CHSY3: variants seen among roughly 807,000 people sequenced by gnomAD.
CHSY3 encodes N-acetylgalactosaminyl-proteoglycan 3-beta-glucuronosyltransferase 3.
In CHSY3, 35 loss-of-function variants were observed where a neutral mutation model predicts 67.2. The observed-to-expected ratio is 0.52, with a 90% CI of 0.40 to 0.69. CHSY3 has a LOEUF of 0.69. CHSY3 is among the 30% of genes least tolerant of loss of function. The pLI, the probability that CHSY3 is intolerant of heterozygous loss-of-function variation, is 0.00. For missense variants in CHSY3, 1,069 were observed against 1,138.5 expected (o/e 0.94, Z 0.88); for synonymous variants, 474 against 434.7 (o/e 1.09, Z -1.12).
intron 2 of CHSY3, among the ~76,000 whole-genome samples, chr5:130,163,444 A>G (rs913452491): frequency 2.0e-5 from 3 of 152,180 alleles, no homozygotes; most frequent in African/African-American, 7.2e-5. Flanking sequence ...TGCCAGACCC[A>G]TGGAATTCAC....
chr5:130,016,213 G>C (rs1353226965), intron 2 of CHSY3, among the ~76,000 whole-genome samples: 1 of 152,088 alleles, frequency 6.6e-6, no homozygotes, highest in African/African-American at 2.4e-5. Context: ...ATCTGCATAT[G>C]TATAAAATTT....
intron 2 of CHSY3, among the ~76,000 whole-genome samples, chr5:129,963,384 C>T (rs865828534): frequency 8.7e-4 from 133 of 152,116 alleles, no homozygotes; most frequent in African/African-American, 2.9e-3. Context: ...GACTTGCCCA[C>T]GACACTTGAG....
At chr5:130,087,813 A>G (rs1766708493) in intron 2 of CHSY3, among the ~76,000 whole-genome samples, 2 of 151,538 alleles carry the variant, frequency 1.3e-5, no homozygotes, top group Non-Finnish European at 2.9e-5. Flanking sequence ...TATAGATTCA[A>G]TGCCATCCCC....
chr5:130,074,583 T>C (rs1766191344), intron 2 of CHSY3, among the ~76,000 whole-genome samples: 1 of 152,202 alleles, frequency 6.6e-6, no homozygotes, highest in Admixed American at 6.5e-5. Flanking sequence ...TGTCTACTTA[T>C]GAAAGATCCA....
In CHSY3 at chr5:130,153,999, C is replaced by A. The variant is rs1227936232; in HGVS notation, c.1087-30230C>A. Among the ~76,000 whole-genome samples the A allele has an allele frequency of 2.0e-5, 3 of 152,078 alleles. No homozygotes were observed. In the South Asian group the frequency reaches 6.2e-4, roughly 31 times the overall value. Reference sequence around the variant, plus strand: ...TGCCACAATCTTGGCTCACTGCAACCTCCACCTCTCAGTTTCAAGTGATTC... The same window carrying A: ...TGCCACAATCTTGGCTCACTGCAACATCCACCTCTCAGTTTCAAGTGATTC... On this transcript the variant is annotated intron_variant, in intron 2 of 2. Transcript: ENST00000305031.
intron 2 of CHSY3, among the ~76,000 whole-genome samples, chr5:130,008,047 A>C (rs1763926249): frequency 6.6e-6 from 1 of 152,182 alleles, no homozygotes; most frequent in African/African-American, 2.4e-5. Flanking sequence ...CCACTTTGCC[A>C]GCATGCGTTC....
intron 2 of CHSY3, among the ~76,000 whole-genome samples, chr5:130,161,841 C>T (rs1769553572): frequency 6.6e-6 from 1 of 151,968 alleles, no homozygotes. Flanking sequence ...GAGTTCGAGA[C>T]TAGCCTGGGA....
intron 2 of CHSY3, among the ~76,000 whole-genome samples, chr5:129,930,204 A>T (rs1761253494): frequency 6.6e-6 from 1 of 151,886 alleles, no homozygotes; most frequent in Non-Finnish European, 1.5e-5. Context: ...ATGGTGGCTC[A>T]TGCCTGTAAT....
intron 2 of CHSY3, among the ~76,000 whole-genome samples, chr5:130,037,061 G>A (rs1265343109): frequency 2.0e-5 from 3 of 152,254 alleles, no homozygotes; most frequent in East Asian, 1.9e-4. Flanking sequence ...GAAGTAGGAT[G>A]TATAGGGATG....
In CHSY3 at chr5:130,184,726, A is replaced by T. The variant is rs1424154443; in HGVS notation, c.1584A>T (p.Arg528Ser). Residue 528 changes from arginine to serine, a missense_variant, in exon 3 of 3, where the codon AGA (arginine) becomes AGT (serine). Around this residue, in one of 5 missense-constraint regions of CHSY3, gnomAD observed 401 missense variants for 395.2 expected, o/e 1.01. Transcript: ENST00000305031. ...DFKEIQYGYR[R>S]VNPMHGVEYI... ...AGGAAATTCAGTATGGCTACCGCAG[A>T]GTTAACCCCATGCACGGGGTGGAGT... 3.1e-6 allele frequency: 5 copies of T among 1,608,024 alleles called. No homozygotes were observed. Among genetic ancestry groups the T allele is most frequent in the Non-Finnish European group, 4.3e-6 (5 of 1,174,574 alleles).
chr5:129,945,180 G>A (rs149720793), intron 2 of CHSY3, among the ~76,000 whole-genome samples: 142 of 152,344 alleles, frequency 9.3e-4, no homozygotes, highest in Non-Finnish European at 1.5e-3. Context: ...GAATCATTCT[G>A]AAGGCTTTTG....
intron 2 of CHSY3, among the ~76,000 whole-genome samples, chr5:130,020,554 C>T (rs1475412938): frequency 1.3e-5 from 2 of 148,698 alleles, no homozygotes; most frequent in African/African-American, 5.0e-5. Context: ...TATACCTCTC[C>T]TTGACTTTTC....
chr5:130,130,817 C>G (rs971193511), intron 2 of CHSY3, among the ~76,000 whole-genome samples: 4 of 152,130 alleles, frequency 2.6e-5, no homozygotes, highest in African/African-American at 7.2e-5. Flanking sequence ...TTCTGTGAAC[C>G]ACTTGTAGCA....
At chr5:129,959,851 T>G (rs1762281712) in intron 2 of CHSY3, among the ~76,000 whole-genome samples, 1 of 152,124 alleles carries the variant, frequency 6.6e-6, no homozygotes, top group African/African-American at 2.4e-5. Flanking sequence ...ATGCGTATCT[T>G]TTTTTACTTG....
At chr5:130,035,886 G>GTTTTTTTTTTTTTTTTTT (rs1180462327) in intron 2 of CHSY3, among the ~76,000 whole-genome samples, 7 of 65,532 alleles carry the variant, frequency 1.1e-4, no homozygotes, top group African/African-American at 3.6e-4. Context: ...TCATTTGGTT[G>GTTTTTTTTTTTTTTTTTT]TTTTTTTTTT....
intron 2 of CHSY3, among the ~76,000 whole-genome samples, chr5:130,120,292 C>A (rs911835495): frequency 6.6e-6 from 1 of 151,532 alleles, no homozygotes; most frequent in African/African-American, 2.4e-5. Context: ...CATTTTTTTT[C>A]TTTTATTGCT....
intron 2 of CHSY3, among the ~76,000 whole-genome samples, chr5:130,102,611 C>G (rs1186220467): frequency 6.6e-6 from 1 of 151,972 alleles, no homozygotes; most frequent in Non-Finnish European, 1.5e-5. Flanking sequence ...CACATTACCT[C>G]TATGTAAACA....
At chr5:130,133,932 A>T (rs1768575423) in intron 2 of CHSY3, among the ~76,000 whole-genome samples, 1 of 152,004 alleles carries the variant, frequency 6.6e-6, no homozygotes, top group African/African-American at 2.4e-5. Flanking sequence ...TTTTATTTTC[A>T]GTTATTTCAT....
At chr5:130,028,149 G>T (rs1168679206) in intron 2 of CHSY3, among the ~76,000 whole-genome samples, 3 of 152,020 alleles carry the variant, frequency 2.0e-5, no homozygotes, top group Admixed American at 6.6e-5. Flanking sequence ...TTTCTTCACA[G>T]AATTGGAAAA....
Sources: gnomAD v4.1 joint callset for allele counts (sites outside exome capture counted in the v4.1 genomes callset) on GRCh38, gnomAD v4.1.1 for gene constraint, gnomAD v4.1.1 regional missense constraint, MANE v1.5 for transcripts, NCBI Gene and HGNC (gene_info 2026-07-23, HGNC 2026-07-21) for gene names.